Variants in NSMCE2 observed in about 807,000 individuals in gnomAD.
The protein encoded by NSMCE2 is E3 SUMO-protein ligase NSE2.
A neutral mutation model predicts 23.8 loss-of-function variants in NSMCE2; 24 were observed. The observed-to-expected ratio is 1.01, with a 90% confidence interval of 0.73 to 1.42. The LOEUF is 1.42. Ranked by LOEUF, NSMCE2 falls within the 40% of genes most tolerant of loss-of-function variation. NSMCE2 has a pLI of 0.00. For missense variants in NSMCE2, 284 were observed against 296.5 expected, an observed-to-expected ratio of 0.96 and a Z score of 0.31; for synonymous variants, 92 against 94.1, an observed-to-expected ratio of 0.98 and a Z score of 0.13.
At chr8:125,178,547 G>T (rs1372290391) in intron 4 of NSMCE2, among the ~76,000 whole-genome samples, 3 of 152,158 alleles carry the variant, frequency 2.0e-5, no homozygotes, top group Non-Finnish European at 4.4e-5. Context: ...CTCAGAATTT[G>T]ACTGTATTTG....
At chr8:125,331,030 G>A (rs1437647658) in intron 5 of NSMCE2, among the ~76,000 whole-genome samples, 1 of 152,186 alleles carries the variant, frequency 6.6e-6, no homozygotes, top group Admixed American at 6.5e-5. Flanking sequence ...GACTGGGCGC[G>A]GTGGCTCACA....
intron 4 of NSMCE2, among the ~76,000 whole-genome samples, chr8:125,173,475 A>G (rs966801862): frequency 6.6e-6 from 1 of 152,206 alleles, no homozygotes; most frequent in African/African-American, 2.4e-5. Flanking sequence ...TTGGAACTGA[A>G]TCTTCAGAAG....
chr8:125,309,457 T>G (rs1828893276), intron 5 of NSMCE2, among the ~76,000 whole-genome samples: 1 of 152,180 alleles, frequency 6.6e-6, no homozygotes, highest in Non-Finnish European at 1.5e-5. Flanking sequence ...GTGCAGTGGC[T>G]TATGCCTGTA....
At position 125,359,562 on chromosome 8, in the gene NSMCE2, A is replaced by G. The variant is rs576744205; in HGVS notation, c.626+1744A>G. The stretch of plus-strand genomic sequence containing the variant: ...TGGCCAGGCTGGTCTCAAACTCCCG[A>G]GCTCAGGTGATCTGCCCGCTTCGGC... On this transcript the variant is annotated intron_variant, in intron 7 of 7. Coordinates refer to ENST00000287437, the MANE Select transcript of NSMCE2 (RefSeq NM_173685.4). 3.9e-5 allele frequency among the ~76,000 whole-genome samples: 6 copies of G among 152,092 alleles called. No homozygotes were observed. In the South Asian group the frequency reaches 1.2e-3, roughly 32 times the overall value.
intron 5 of NSMCE2, among the ~76,000 whole-genome samples, chr8:125,311,960 C>T (rs961224654): frequency 6.6e-6 from 1 of 150,764 alleles, no homozygotes; most frequent in Non-Finnish European, 1.5e-5. Context: ...CCCAGCTACT[C>T]AGGAGGCTGA....
At chr8:125,276,346 C>G (rs746663269) in intron 5 of NSMCE2, among the ~76,000 whole-genome samples, 4 of 152,196 alleles carry the variant, frequency 2.6e-5, no homozygotes, top group Non-Finnish European at 2.9e-5. Flanking sequence ...TCCTGCCCTT[C>G]TTTGTTGGTC....
At chr8:125,326,813 G>A (rs1289099144) in intron 5 of NSMCE2, among the ~76,000 whole-genome samples, 1 of 150,808 alleles carries the variant, frequency 6.6e-6, no homozygotes, top group Non-Finnish European at 1.5e-5. Flanking sequence ...AAAATTAGCC[G>A]GTCGTGGTGG....
intron 5 of NSMCE2, among the ~76,000 whole-genome samples, chr8:125,290,301 C>T (rs527344738): frequency 9.2e-5 from 14 of 151,516 alleles, no homozygotes; most frequent in East Asian, 1.9e-4. Flanking sequence ...TACAAGGTAG[C>T]GGTAGCAAAA....
At chr8:125,256,024 C>A (rs1187462399) in intron 5 of NSMCE2, among the ~76,000 whole-genome samples, 1 of 152,186 alleles carries the variant, frequency 6.6e-6, no homozygotes. Flanking sequence ...TGGCTCACGC[C>A]TGTAATCCCA....
At chr8:125,175,541 A>G (rs1001394512) in intron 4 of NSMCE2, among the ~76,000 whole-genome samples, 1 of 152,238 alleles carries the variant, frequency 6.6e-6, no homozygotes, top group Non-Finnish European at 1.5e-5. Context: ...GCAGACATCT[A>G]ACAATGGCTG....
intron 5 of NSMCE2, among the ~76,000 whole-genome samples, chr8:125,213,878 C>G (rs971181545): frequency 3.3e-5 from 5 of 152,074 alleles, no homozygotes; most frequent in African/African-American, 9.7e-5. Flanking sequence ...CTATTAGTCA[C>G]TATTCTGACC....
intron 4 of NSMCE2, among the ~76,000 whole-genome samples, chr8:125,163,553 C>A (rs1821728718): frequency 6.6e-6 from 1 of 152,192 alleles, no homozygotes; most frequent in Admixed American, 6.5e-5. Flanking sequence ...ACTTGGCCTA[C>A]ATACCTCATT....
chr8:125,271,075 C>T (rs1219954675), intron 5 of NSMCE2, among the ~76,000 whole-genome samples: 4 of 151,954 alleles, frequency 2.6e-5, no homozygotes, highest in Non-Finnish European at 5.9e-5. Context: ...GCCTGAACAA[C>T]ATAGTGAGAC....
intron 5 of NSMCE2, among the ~76,000 whole-genome samples, chr8:125,247,204 G>A (rs1352669829): frequency 6.6e-6 from 1 of 151,302 alleles, no homozygotes; most frequent in Non-Finnish European, 1.5e-5. Context: ...GTAGTATCGT[G>A]TACCTGTAGT....
intron 4 of NSMCE2, among the ~76,000 whole-genome samples, chr8:125,158,585 C>G (rs1001068656): frequency 2.0e-5 from 3 of 152,214 alleles, no homozygotes; most frequent in Admixed American, 1.3e-4. Flanking sequence ...GCCATCCTAG[C>G]AGCTAATTCT....
intron 4 of NSMCE2, among the ~76,000 whole-genome samples, chr8:125,163,337 A>C (rs1313591311): frequency 6.6e-6 from 1 of 152,272 alleles, no homozygotes; most frequent in African/African-American, 2.4e-5. Context: ...AGATATAATT[A>C]GTTAAAAATA....
At chr8:125,333,465 C>T (rs1437056290) in intron 5 of NSMCE2, among the ~76,000 whole-genome samples, 1 of 148,738 alleles carries the variant, frequency 6.7e-6, no homozygotes, top group East Asian at 2.0e-4. Context: ...AGCCACCACG[C>T]CTTGCTAGAT....
At chr8:125,313,346 G>A (rs117988468) in intron 5 of NSMCE2, among the ~76,000 whole-genome samples, 210 of 152,268 alleles carry the variant, frequency 1.4e-3, no homozygotes, top group Non-Finnish European at 2.3e-3. Context: ...GGAAGAGGCA[G>A]CCCTGATAAA....
chr8:125,331,950 C>G (rs1829895366), intron 5 of NSMCE2, among the ~76,000 whole-genome samples: 1 of 152,164 alleles, frequency 6.6e-6, no homozygotes, highest in African/African-American at 2.4e-5. Flanking sequence ...TTATTTGGCA[C>G]TTTCTCTAAG....
Sources: gnomAD v4.1 joint callset for allele counts (sites outside exome capture counted in the v4.1 genomes callset) on GRCh38, gnomAD v4.1.1 for gene constraint, MANE v1.5 for transcripts, NCBI Gene and HGNC (gene_info 2026-07-23, HGNC 2026-07-21) for gene names.